The following MKLN1 variants were observed in gnomAD, a reference collection of about 807,000 sequenced individuals.
The protein encoded by MKLN1 is muskelin.
Under a neutral mutation model 99.0 loss-of-function variants are expected in MKLN1, and 18 were observed. The ratio of observed to expected loss-of-function variants is 0.18; its 90% confidence interval spans 0.13 to 0.27. The LOEUF (loss-of-function observed/expected upper bound fraction) is 0.27. Ranked by LOEUF, MKLN1 falls within the 10% of genes least tolerant of loss-of-function variation. MKLN1 has a pLI of 1.00. For synonymous variants in MKLN1, 288 were observed against 293.2 expected (o/e 0.98, Z 0.18); for missense variants, 621 against 875.9 (o/e 0.71, Z 3.67).
At chr7:131,192,490 TATATAATATATACACATATAA>T in intron 2 of MKLN1, among the ~76,000 whole-genome samples, 2 of 130,710 alleles carry the variant, frequency 1.5e-5, no homozygotes, top group Non-Finnish European at 1.6e-5. Flanking sequence ...TATATAAATA[TATATAATATATACACATATAA>T]ATATAAATAT....
intron 3 of MKLN1, among the ~76,000 whole-genome samples, chr7:131,207,450 G>A (rs749755806): frequency 1.3e-5 from 2 of 152,066 alleles, no homozygotes; most frequent in South Asian, 4.1e-4. Flanking sequence ...CGCCCACCTC[G>A]GCCTCCCAAA....
At chr7:131,391,635 C>T (rs1209033790) in intron 4 of MKLN1, among the ~76,000 whole-genome samples, 2 of 152,054 alleles carry the variant, frequency 1.3e-5, no homozygotes, top group Non-Finnish European at 2.9e-5. Context: ...CATTGGACTG[C>T]CTTCCTTCAG....
chr7:131,391,973 G>C (rs1794208322), intron 4 of MKLN1, among the ~76,000 whole-genome samples: 1 of 152,162 alleles, frequency 6.6e-6, no homozygotes, highest in Non-Finnish European at 1.5e-5. Flanking sequence ...AGACCTAGAG[G>C]TGAAAGGAAA....
intron 1 of MKLN1, among the ~76,000 whole-genome samples, chr7:131,358,132 G>A (rs957868556): frequency 3.3e-5 from 5 of 152,066 alleles, no homozygotes; most frequent in Admixed American, 6.6e-5. Context: ...CCCAGTCTTG[G>A]GGTAAAACAT....
At chr7:131,157,688 A>G (rs1174636658) in intron 2 of MKLN1, among the ~76,000 whole-genome samples, 1 of 152,116 alleles carries the variant, frequency 6.6e-6, no homozygotes, top group Admixed American at 6.6e-5. Context: ...AAGCTCCTGA[A>G]AAGGATAATA....
At chr7:131,121,694 T>C (rs1389219334) in intron 1 of MKLN1, among the ~76,000 whole-genome samples, 2 of 147,292 alleles carry the variant, frequency 1.4e-5, no homozygotes, top group African/African-American at 2.5e-5. Flanking sequence ...TATGTCTTTA[T>C]AGCAATGCAA....
chr7:131,305,421 A>T (rs1281749743), intron 3 of MKLN1, among the ~76,000 whole-genome samples: 1 of 152,236 alleles, frequency 6.6e-6, no homozygotes, highest in Non-Finnish European at 1.5e-5. Flanking sequence ...TTTGGGAAGA[A>T]ATGTGATGCA....
chr7:131,468,444 T>A (rs1260412673), intron 15 of MKLN1, among the ~76,000 whole-genome samples: 1 of 152,210 alleles, frequency 6.6e-6, no homozygotes, highest in Non-Finnish European at 1.5e-5. Flanking sequence ...TGTACTACAC[T>A]GTTAGACTGG....
At position 131,174,953 on chromosome 7, in the gene MKLN1, T is replaced by TGATA. The variant is rs150554970; in HGVS notation, c.-296-27850_-296-27847dup. 7.5e-3 allele frequency among the ~76,000 whole-genome samples: 1,061 copies of TGATA among 140,982 alleles called. 8 individuals are homozygous for TGATA. Among genetic ancestry groups the TGATA allele is most frequent in the Admixed American group, 0.015 (204 of 13,572 alleles). The allele number at this position is 140,982 out of a possible 152,430, so 92.5% of individuals were successfully genotyped here. A position where few individuals can be genotyped will look rare whatever the true frequency, so the allele number is the denominator to read the frequency against. ...GTCTCCCTCCCTGATAACTGGTAGATGATAGATAGATAGATAGATAGATAG... is the reference window on the plus strand; with the variant it reads ...GTCTCCCTCCCTGATAACTGGTAGATGATAGATAGATAGATAGATAGATAGATAG... On this transcript the variant is annotated intron_variant, in intron 2 of 7. Coordinates refer to the MKLN1 transcript ENST00000416992.
intron 1 of MKLN1, among the ~76,000 whole-genome samples, chr7:131,352,124 C>T (rs1563306479): frequency 1.3e-5 from 2 of 151,968 alleles, no homozygotes; most frequent in African/African-American, 2.4e-5. Flanking sequence ...TTTTTAAAAA[C>T]GAAAAGCATT....
In MKLN1 at chr7:131,161,963, G is replaced by GTATA. The variant is rs71168374; in HGVS notation, c.-297+19056_-297+19059dup. On this transcript the variant is annotated intron_variant, in intron 2 of 7. Coordinates refer to the MKLN1 transcript ENST00000416992. ...CACATATATATACGTGTGTGTGTGT[G>GTATA]TATATATATATATATATATATATAT... 3.2e-3 allele frequency among the ~76,000 whole-genome samples: 354 copies of GTATA among 109,220 alleles called. 2 individuals carry two copies. Among genetic ancestry groups the GTATA allele is most frequent in the Non-Finnish European group, 5.0e-3 (270 of 53,800 alleles). The allele number at this position is 109,220 out of a possible 152,430, so 71.7% of individuals were successfully genotyped here.
upstream of MKLN1, among the ~76,000 whole-genome samples, chr7:131,326,346 AT>A (rs1264217051): frequency 6.6e-6 from 1 of 151,966 alleles, no homozygotes; most frequent in African/African-American, 2.4e-5. Flanking sequence ...ATTTTATTGT[AT>A]TTTATTTGTT....
rs1369148985 is a variant in MKLN1, at chr7:131,492,365, G to A, written c.*4637G>A. The stretch of plus-strand genomic sequence containing the variant: ...GAAGTGGCTTCAGTTGCCATGAAAT[G>A]ATTGCTTTTCTTTTTCTTTTTTTTT... On this transcript the variant is annotated 3_prime_UTR_variant, in exon 18 of 18. Coordinates refer to ENST00000352689, the MANE Select transcript of MKLN1 (RefSeq NM_013255.5). The A allele has an allele frequency of 6.6e-6, 1 of 152,062 alleles. No homozygotes were observed. The highest frequency in any genetic ancestry group is 1.5e-5 in the Non-Finnish European group (1 of 67,994). 9.4% of individuals were successfully genotyped at this position (152,062 alleles called of 1,614,324 possible).
At chr7:131,184,369 T>G (rs1204445817) in intron 2 of MKLN1, among the ~76,000 whole-genome samples, 3 of 152,160 alleles carry the variant, frequency 2.0e-5, no homozygotes, top group Non-Finnish European at 4.4e-5. Context: ...CTATTCCAAA[T>G]ATCTGTTCTT....
At chr7:131,275,159 C>T (rs553867912) in intron 3 of MKLN1, among the ~76,000 whole-genome samples, 14 of 152,064 alleles carry the variant, frequency 9.2e-5, no homozygotes, top group African/African-American at 3.4e-4. Context: ...GATCAGGGTG[C>T]CAGCATGGTC....
chr7:131,342,369 G>T (rs1478456892), intron 1 of MKLN1, among the ~76,000 whole-genome samples: 2 of 152,086 alleles, frequency 1.3e-5, no homozygotes, highest in Non-Finnish European at 1.5e-5. Context: ...CTTCATATTT[G>T]AAGATACATA....
chr7:131,393,124 C>T (rs1237492422), intron 4 of MKLN1, among the ~76,000 whole-genome samples: 1 of 152,114 alleles, frequency 6.6e-6, no homozygotes, highest in Non-Finnish European at 1.5e-5. Flanking sequence ...AAAAAGGTGA[C>T]ACAGGGATGT....
rs1476712310 is a variant in MKLN1, at chr7:131,386,237, C to A, written c.169-883C>A. The stretch of plus-strand genomic sequence containing the variant: ...CCATGTTGGCCAGGCCGGTCTCAAA[C>A]CCCTGACCTTGTGATCCGCCCACCT... On this transcript the variant is annotated intron_variant, in intron 2 of 17. Transcript: ENST00000352689. 4.6e-5 allele frequency among the ~76,000 whole-genome samples: 7 copies of A among 152,242 alleles called. No individual in the cohort carries two copies. In the East Asian group the frequency reaches 1.3e-3, roughly 29 times the overall value.
intron 3 of MKLN1, among the ~76,000 whole-genome samples, chr7:131,264,972 G>A (rs1273542849): frequency 6.6e-6 from 1 of 152,018 alleles, no homozygotes; most frequent in Admixed American, 6.6e-5. Context: ...CCGAGTAGCT[G>A]GGATTACAGG....
Sources: allele counts gnomAD v4.1 joint callset (sites outside exome capture counted in the v4.1 genomes callset), GRCh38; gene constraint gnomAD v4.1.1; transcripts MANE v1.5; gene names NCBI Gene and HGNC (gene_info 2026-07-23, HGNC 2026-07-21).